The following PPARGC1A variants were observed in gnomAD, a reference collection of about 807,000 sequenced individuals.
PPARGC1A encodes PPARG coactivator 1 alpha, also known as peroxisome proliferator-activated receptor gamma coactivator 1-alpha.
A neutral mutation model predicts 88.7 loss-of-function variants in PPARGC1A; 25 were observed. The observed-to-expected ratio is 0.28, with a 90% CI of 0.21 to 0.39. The LOEUF (loss-of-function observed/expected upper bound fraction) is 0.39. Among genes scored for constraint, PPARGC1A ranks in the 10% least tolerant of loss-of-function variants. The pLI is 1.00. For synonymous variants in PPARGC1A, 363 were observed against 355.6 expected (o/e 1.02, Z -0.24); for missense variants, 880 against 968.7 (o/e 0.91, Z 1.22).
At chr4:23,976,928 C>T in the PPARGC1A span, among the ~76,000 whole-genome samples, 2 of 150,964 alleles carry the variant, frequency 1.3e-5, no homozygotes, top group African/African-American at 4.9e-5. Flanking sequence ...TGCGGTTTCT[C>T]TGATTAACAG....
chr4:24,206,188 C>G, the PPARGC1A span, among the ~76,000 whole-genome samples: 4 of 152,106 alleles, frequency 2.6e-5, no homozygotes, highest in African/African-American at 9.7e-5. Flanking sequence ...AGCCATTTTG[C>G]TTAGTGAAGA....
At chr4:24,281,770 T>A in the PPARGC1A span, among the ~76,000 whole-genome samples, 1 of 152,002 alleles carries the variant, frequency 6.6e-6, no homozygotes, top group African/African-American at 2.4e-5. Context: ...CCCAATCTTT[T>A]ATTTTTCTTT....
intron 2 of PPARGC1A, among the ~76,000 whole-genome samples, chr4:23,868,137 G>T (rs966356626): frequency 6.6e-6 from 1 of 152,100 alleles, no homozygotes; most frequent in South Asian, 2.1e-4. Flanking sequence ...TCCTCTTCTC[G>T]GGGAGAGAAG....
the PPARGC1A span, among the ~76,000 whole-genome samples, chr4:24,004,612 A>G: frequency 4.6e-3 from 700 of 152,326 alleles, 8 homozygotes; most frequent in African/African-American, 0.016. Context: ...TTCAGATAAG[A>G]CAGAAAATGA....
At chr4:24,231,298 G>A in the PPARGC1A span, among the ~76,000 whole-genome samples, 1 of 152,156 alleles carries the variant, frequency 6.6e-6, no homozygotes, top group African/African-American at 2.4e-5. Flanking sequence ...GGAACCTCTG[G>A]GTTTAAAACC....
chr4:24,299,527 T>A, the PPARGC1A span, among the ~76,000 whole-genome samples: 1 of 151,794 alleles, frequency 6.6e-6, no homozygotes, highest in African/African-American at 2.4e-5. Flanking sequence ...TGGTTAAGCG[T>A]CTCGTGCAGC....
At chr4:23,903,577 C>T (rs1489214851), upstream of PPARGC1A, among the ~76,000 whole-genome samples, 2 of 152,152 alleles carry the variant, frequency 1.3e-5, no homozygotes, top group African/African-American at 4.8e-5. Context: ...TTCCTGGAGC[C>T]ATGCAATACA....
rs1717432366 is a variant in PPARGC1A at position 23,795,542 on chromosome 4, C to T, written c.*280G>A. The T allele has an allele frequency of 2.8e-6, 1 of 354,590 alleles. No homozygotes were observed. The allele number at this position is 354,590 out of a possible 1,614,324, so 22.0% of individuals were successfully genotyped here. Reference sequence around the variant, plus strand: ...ACATGCACACACGCACACTCCATCACCAAGAGACTCCAGGAAAAGCAAAGC... The same window carrying T: ...ACATGCACACACGCACACTCCATCATCAAGAGACTCCAGGAAAAGCAAAGC... On this transcript the variant is annotated 3_prime_UTR_variant, in exon 13 of 13. Transcript: ENST00000264867.
chr4:24,395,116 A>G, the PPARGC1A span, among the ~76,000 whole-genome samples: 1 of 152,224 alleles, frequency 6.6e-6, no homozygotes, highest in African/African-American at 2.4e-5. Flanking sequence ...GACGAATAAC[A>G]AACTTCCAAA....
rs73803404 is a variant in PPARGC1A at position 23,897,886 on chromosome 4, C to G, written n.52+1381G>C. On this transcript the variant is annotated intron_variant and non_coding_transcript_variant, in intron 1 of 3. Coordinates refer to the PPARGC1A transcript ENST00000507342. ...TTATCATTAATTCTGGAAAGTAGCA[C>G]GAGTCATATGTAAGACCGAGTCCCT... 9.2e-5 allele frequency among the ~76,000 whole-genome samples: 14 copies of G among 152,206 alleles called. 1 individual carries two copies. In the East Asian group the frequency reaches 2.7e-3, roughly 29 times the overall value.
At chr4:24,104,308 G>A in the PPARGC1A span, among the ~76,000 whole-genome samples, 1 of 152,158 alleles carries the variant, frequency 6.6e-6, no homozygotes, top group Non-Finnish European at 1.5e-5. Flanking sequence ...TTTGTGGACT[G>A]TATTTTAAGA....
the PPARGC1A span, among the ~76,000 whole-genome samples, chr4:24,133,533 C>T: frequency 2.6e-5 from 4 of 152,162 alleles, no homozygotes; most frequent in African/African-American, 4.8e-5. Flanking sequence ...ATCACGTCTT[C>T]GTTGAAGAGA....
the PPARGC1A span, among the ~76,000 whole-genome samples, chr4:24,060,870 T>C: frequency 2.0e-5 from 3 of 152,196 alleles, no homozygotes; most frequent in Non-Finnish European, 4.4e-5. Flanking sequence ...GTGTTTCACA[T>C]GAATTAACCA....
the PPARGC1A span, among the ~76,000 whole-genome samples, chr4:23,949,783 T>C: frequency 2.6e-5 from 4 of 152,110 alleles, no homozygotes; most frequent in African/African-American, 4.8e-5. Flanking sequence ...TATGAAACTC[T>C]GAGGCAGTAT....
chr4:23,877,537 C>CAAAAAAAAAA (rs11354781), intron 2 of PPARGC1A, among the ~76,000 whole-genome samples: 8 of 49,872 alleles, frequency 1.6e-4, no homozygotes, highest in African/African-American at 2.9e-4. Context: ...GACTCCATCT[C>CAAAAAAAAAA]AAAAAAAAAA....
At chr4:24,081,642 G>T in the PPARGC1A span, among the ~76,000 whole-genome samples, 2 of 152,046 alleles carry the variant, frequency 1.3e-5, no homozygotes, top group Admixed American at 1.3e-4. Context: ...AAAGTTTTCA[G>T]CTTGAAGTGC....
At chr4:24,015,640 C>CGT in the PPARGC1A span, among the ~76,000 whole-genome samples, 1 of 151,912 alleles carries the variant, frequency 6.6e-6, no homozygotes, top group Non-Finnish European at 1.5e-5. Context: ...GGCGTGTGTG[C>CGT]GTGTGTGTGA....
the PPARGC1A span, among the ~76,000 whole-genome samples, chr4:24,285,162 G>C: frequency 6.6e-6 from 1 of 152,226 alleles, no homozygotes. Context: ...GACACAAGAA[G>C]GAGATGCTGT....
At chr4:24,153,070 T>A in the PPARGC1A span, among the ~76,000 whole-genome samples, 1 of 152,220 alleles carries the variant, frequency 6.6e-6, no homozygotes, top group Non-Finnish European at 1.5e-5. Context: ...AGCACTGATT[T>A]GATTTCAGAC....
Sources: gnomAD v4.1 joint callset for allele counts (sites outside exome capture counted in the v4.1 genomes callset) on GRCh38, gnomAD v4.1.1 for gene constraint, MANE v1.5 for transcripts, NCBI Gene and HGNC (gene_info 2026-07-23, HGNC 2026-07-21) for gene names.